Variants in PDSS2 observed in about 807,000 individuals in gnomAD.
PDSS2 encodes the protein all trans-polyprenyl-diphosphate synthase PDSS2.
In PDSS2, 31 loss-of-function variants were observed where a neutral mutation model predicts 44.5. That is an observed-to-expected ratio of 0.70 (90% CI 0.52 to 0.94). The LOEUF (loss-of-function observed/expected upper bound fraction) is 0.94, where lower values mean the gene tolerates loss of function less well. Among genes scored for constraint, PDSS2 ranks in the 40% least tolerant of loss-of-function variants. The pLI is 0.00. For missense variants in PDSS2, 452 were observed against 482.2 expected (o/e 0.94, Z 0.59); for synonymous variants, 157 against 180.3 (o/e 0.87, Z 1.03).
intron 2 of PDSS2, among the ~76,000 whole-genome samples, chr6:107,286,540 T>C (rs142143883): frequency 6.6e-6 from 1 of 151,636 alleles, no homozygotes; most frequent in African/African-American, 2.4e-5. Context: ...AAATAAAATA[T>C]ACCATAAAAA....
chr6:107,402,298 A>C (rs189223852), intron 1 of PDSS2, among the ~76,000 whole-genome samples: 4 of 150,196 alleles, frequency 2.7e-5, no homozygotes, highest in East Asian at 2.0e-4. Flanking sequence ...ACAAACCAAC[A>C]AACAAACAAA....
intron 3 of PDSS2, among the ~76,000 whole-genome samples, chr6:107,266,489 A>G (rs1480016789): frequency 6.6e-6 from 1 of 152,114 alleles, no homozygotes; most frequent in Non-Finnish European, 1.5e-5. Context: ...AGGGCTGCAC[A>G]GAATAAAGCC....
chr6:107,424,041 T>A lies in PDSS2; in HGVS notation c.296+34949A>T, dbSNP rs993861726. On this transcript the variant is annotated intron_variant, in intron 1 of 7. Transcript: ENST00000369037. ...TGATTATTTTTATCTTGCATCTTTT[T>A]TTTTTTTTTTTTTTTTTTGGGACAG... 7.8e-3 allele frequency among the ~76,000 whole-genome samples: 1,006 copies of A among 129,000 alleles called. 48 individuals carry two copies. In the East Asian group the frequency reaches 0.14, roughly 18 times the overall value. The allele number at this position is 129,000 out of a possible 152,430, so 84.6% of individuals were successfully genotyped here.
chr6:107,277,542 A>T (rs151154305), intron 2 of PDSS2, among the ~76,000 whole-genome samples: 3,300 of 152,298 alleles, frequency 0.022, 53 homozygotes, highest in South Asian at 0.066. Context: ...GAAAAATCTT[A>T]AAAAGTATGT....
At position 107,192,744 on chromosome 6, in the gene PDSS2, G is replaced by C. The variant is rs370066099; in HGVS notation, c.1041+1078C>G. ...AGGTAATTCTGACATATGTTCCTGG[G>C]TATAAGAACCAGTGGTTCAAAGTAA... is the stretch of plus-strand genomic sequence containing the variant. On this transcript the variant is annotated intron_variant, in intron 7 of 7. Coordinates refer to ENST00000369037, the MANE Select transcript of PDSS2 (RefSeq NM_020381.4). Among the ~76,000 whole-genome samples, 10 of 151,724 alleles carry C rather than the reference G, an allele frequency of 6.6e-5. No individual in the cohort carries two copies. In the South Asian group the frequency reaches 2.1e-3, roughly 32 times the overall value.
intron 2 of PDSS2, among the ~76,000 whole-genome samples, chr6:107,322,059 T>A (rs890452546): frequency 9.2e-5 from 14 of 152,234 alleles, no homozygotes; most frequent in Non-Finnish European, 1.5e-4. Flanking sequence ...CCTACACTCT[T>A]GCACATACCC....
intron 2 of PDSS2, among the ~76,000 whole-genome samples, chr6:107,274,964 C>T (rs1775729947): frequency 6.6e-6 from 1 of 152,162 alleles, no homozygotes; most frequent in Non-Finnish European, 1.5e-5. Context: ...TGAGCCACTG[C>T]TCCTAGCTAC....
intron 1 of PDSS2, among the ~76,000 whole-genome samples, chr6:107,423,591 T>C (rs753524084): frequency 1.3e-5 from 2 of 152,230 alleles, no homozygotes; most frequent in Admixed American, 1.3e-4. Context: ...TAAAATATTG[T>C]TGCTTTCATA....
chr6:107,376,810 TGA>T (rs1330093818), intron 1 of PDSS2, among the ~76,000 whole-genome samples: 1 of 152,176 alleles, frequency 6.6e-6, no homozygotes, highest in Non-Finnish European at 1.5e-5. Context: ...ATAGGAGTGG[TGA>T]GAGAGGGCAT....
In PDSS2 at chr6:107,167,249, T is replaced by A. The variant is rs1173224902; in HGVS notation, c.1042-12472A>T. Among the ~76,000 whole-genome samples the A allele has an allele frequency of 3.3e-5, 5 of 152,228 alleles. No homozygotes were observed. In the East Asian group the frequency reaches 9.6e-4, roughly 29 times the overall value. ...GGAATTTATGCATTTCTTCTAGATT[T>A]TCTAGTTTATTTGCATAGAGGTGTT... On this transcript the variant is annotated intron_variant, in intron 7 of 7. Coordinates refer to ENST00000369037, the MANE Select transcript of PDSS2 (RefSeq NM_020381.4).
intron 1 of PDSS2, among the ~76,000 whole-genome samples, chr6:107,409,454 C>A (rs149320832): frequency 6.6e-6 from 1 of 152,072 alleles, no homozygotes; most frequent in East Asian, 1.9e-4. Flanking sequence ...AAGCTGCTTT[C>A]TTACAGTTTG....
chr6:107,175,555 T>C (rs907428808), intron 7 of PDSS2, among the ~76,000 whole-genome samples: 2 of 152,176 alleles, frequency 1.3e-5, no homozygotes, highest in African/African-American at 4.8e-5. Flanking sequence ...AAGATACATA[T>C]CACAGATTAG....
At chr6:107,247,051 T>G (rs1288997733) in intron 3 of PDSS2, among the ~76,000 whole-genome samples, 1 of 152,150 alleles carries the variant, frequency 6.6e-6, no homozygotes, top group Non-Finnish European at 1.5e-5. Flanking sequence ...AGATAAGCCC[T>G]ATTCCTAAAT....
intron 2 of PDSS2, among the ~76,000 whole-genome samples, chr6:107,308,210 A>C (rs181941317): frequency 1.3e-5 from 2 of 152,338 alleles, no homozygotes; most frequent in East Asian, 3.9e-4. Flanking sequence ...CTCCTGAGTT[A>C]ATTAATGAAA....
At chr6:107,455,513 T>G (rs1454950228) in intron 1 of PDSS2, among the ~76,000 whole-genome samples, 3 of 151,836 alleles carry the variant, frequency 2.0e-5, no homozygotes, top group African/African-American at 7.3e-5. Flanking sequence ...TCCAATACGT[T>G]GGGAGGCGGA....
chr6:107,436,078 T>G (rs1341915395), intron 1 of PDSS2, among the ~76,000 whole-genome samples: 1 of 152,204 alleles, frequency 6.6e-6, no homozygotes. Context: ...AACAACTATC[T>G]GATGTGTTAA....
chr6:107,311,015 T>G (rs1486793038), intron 2 of PDSS2, among the ~76,000 whole-genome samples: 2 of 151,784 alleles, frequency 1.3e-5, no homozygotes, highest in African/African-American at 4.8e-5. Flanking sequence ...CCTCCTGGGT[T>G]CAAGTGATTC....
intron 4 of PDSS2, among the ~76,000 whole-genome samples, chr6:107,232,845 C>CT (rs1439880264): frequency 2.3e-3 from 344 of 146,496 alleles, no homozygotes; most frequent in Middle Eastern, 3.6e-3. Flanking sequence ...TTCTTTCTTT[C>CT]TTTTTTTTTT....
intron 4 of PDSS2, among the ~76,000 whole-genome samples, chr6:107,232,739 A>G (rs954572743): frequency 2.6e-5 from 4 of 152,252 alleles, no homozygotes; most frequent in African/African-American, 7.2e-5. Flanking sequence ...CCTGCCACAC[A>G]GCAGATGCTC....
Sources: gnomAD v4.1 joint callset for allele counts (sites outside exome capture counted in the v4.1 genomes callset) on GRCh38, gnomAD v4.1.1 for gene constraint, MANE v1.5 for transcripts, NCBI Gene and HGNC (gene_info 2026-07-23, HGNC 2026-07-21) for gene names.